The following PLAAT1 variants were observed in gnomAD, a reference collection of about 807,000 sequenced individuals.
PLAAT1 encodes phospholipase A and acyltransferase 1, also known as H-REV107 protein-related protein.
Under a neutral mutation model 16.4 loss-of-function variants are expected in PLAAT1, and 13 were observed. The observed-to-expected ratio is 0.79, with a 90% confidence interval of 0.52 to 1.26. The LOEUF (loss-of-function observed/expected upper bound fraction) is 1.26. PLAAT1 is among the 50% of genes most tolerant of loss of function. The probability of loss-of-function intolerance (pLI) is 0.00; values close to 1 mark genes in which losing one functional copy is unlikely to be tolerated. For missense variants in PLAAT1, 218 were observed against 207.8 expected (o/e 1.05, Z -0.30); for synonymous variants, 73 against 78.4 (o/e 0.93, Z 0.36).
intron 1 of PLAAT1, among the ~76,000 whole-genome samples, chr3:193,249,687 A>C (rs1255838792): frequency 1.3e-5 from 2 of 151,592 alleles, no homozygotes; most frequent in African/African-American, 4.9e-5. Context: ...ACTCTTTTTC[A>C]TTCTTTTTTC....
chr3:193,252,372 C>A (rs1469053376), intron 1 of PLAAT1, among the ~76,000 whole-genome samples: 4 of 152,232 alleles, frequency 2.6e-5, no homozygotes, highest in Non-Finnish European at 5.9e-5. Flanking sequence ...GATAAATATC[C>A]AAACCATATA....
At chr3:193,241,040 G>A (rs1182764623), upstream of PLAAT1, 4 of 432,854 alleles carry the variant, frequency 9.2e-6, no homozygotes, top group African/African-American at 8.5e-5. Flanking sequence ...GCGGCGCTTT[G>A]ACCGTAGGCG....
chr3:193,252,928 T>A (rs1432190602), intron 1 of PLAAT1, among the ~76,000 whole-genome samples: 2 of 134,256 alleles, frequency 1.5e-5, no homozygotes, highest in East Asian at 4.3e-4. Flanking sequence ...TCCTGGAAGT[T>A]CTGGGGTCCC....
chr3:193,269,629 G>T (rs532499110), intron 3 of PLAAT1, among the ~76,000 whole-genome samples: 1 of 152,322 alleles, frequency 6.6e-6, no homozygotes, highest in African/African-American at 2.4e-5. Context: ...TGGTTCCCCA[G>T]AGTCATTTGG....
At chr3:193,273,249 G>GA (rs1717047576), downstream of PLAAT1, among the ~76,000 whole-genome samples, 1 of 151,978 alleles carries the variant, frequency 6.6e-6, no homozygotes, top group African/African-American at 2.4e-5. Context: ...TTTTTAGTTT[G>GA]ATACATAGTT....
chr3:193,277,858 C>CT (rs1717294957), downstream of PLAAT1: 1 of 152,260 alleles, frequency 6.6e-6, no homozygotes, highest in Non-Finnish European at 1.5e-5. Context: ...GAGATGGAGT[C>CT]TCGCTCTCTC....
At chr3:193,276,420 A>G (rs1319703135) in intron 2 of PLAAT1, among the ~76,000 whole-genome samples, 1 of 152,224 alleles carries the variant, frequency 6.6e-6, no homozygotes, top group Non-Finnish European at 1.5e-5. Flanking sequence ...TTTGGGTTTT[A>G]GGGTTGGAAG....
At chr3:193,273,883 A>T (rs1347642065), downstream of PLAAT1, among the ~76,000 whole-genome samples, 1 of 152,192 alleles carries the variant, frequency 6.6e-6, no homozygotes, top group African/African-American at 2.4e-5. Flanking sequence ...CTGCAGTTAC[A>T]AATATAAGTC....
chr3:193,265,216 A>T (rs1023561338), intron 3 of PLAAT1, among the ~76,000 whole-genome samples: 5 of 152,236 alleles, frequency 3.3e-5, no homozygotes, highest in Admixed American at 1.3e-4. Context: ...TGTTTATAGC[A>T]GCATTGTAGA....
chr3:193,270,760 C>G lies in PLAAT1; in HGVS notation c.*55C>G. The G allele has an allele frequency of 1.3e-6, 2 of 1,586,938 alleles. No individual in the cohort carries two copies. Among genetic ancestry groups the G allele is most frequent in the South Asian group, 1.1e-5 (1 of 87,130 alleles). ...GGAATTTGGGAGGAGGAAAAGAAAC[C>G]TGGGGTGAATACTTATTTTCAGTGC... On this transcript the variant is annotated 3_prime_UTR_variant, in exon 4 of 4. Coordinates refer to ENST00000264735, the MANE Select transcript of PLAAT1 (RefSeq NM_020386.5).
At chr3:193,247,328 C>T (rs1043616199) in intron 1 of PLAAT1, among the ~76,000 whole-genome samples, 2 of 152,088 alleles carry the variant, frequency 1.3e-5, no homozygotes, top group Admixed American at 6.5e-5. Flanking sequence ...TAAACATGCC[C>T]ACAGCACACT....
At position 193,255,720 on chromosome 3, in the gene PLAAT1, T is replaced by G; in HGVS notation, c.70T>G (p.Phe24Val). Reference sequence around the variant, plus strand: ...CTGCCCAGGGGACTTGATCGAAGTGTTCCGTCCTGGCTATCAGCACTGGGC... The same window carrying G: ...CTGCCCAGGGGACTTGATCGAAGTGGTCCGTCCTGGCTATCAGCACTGGGC... ...NPCPGDLIEV[F>V]RPGYQHWALY... The change falls in exon 2 of 4, where the codon TTC becomes GTC. Residue 24 changes from phenylalanine (F) to valine (V), a missense_variant. Coordinates refer to ENST00000264735, the MANE Select transcript of PLAAT1 (RefSeq NM_020386.5). 1 of 1,613,446 alleles carries G rather than the reference T, an allele frequency of 6.2e-7. No individual in the cohort carries two copies. The highest frequency in any genetic ancestry group is 1.7e-5 in the Admixed American group (1 of 59,982).
chr3:193,250,840 C>A (rs916350536), intron 1 of PLAAT1, among the ~76,000 whole-genome samples: 7 of 152,076 alleles, frequency 4.6e-5, no homozygotes, highest in Non-Finnish European at 8.8e-5. Context: ...CCCTATCCCC[C>A]CCACCCCCGC....
intron 3 of PLAAT1, among the ~76,000 whole-genome samples, chr3:193,266,216 A>G (rs551339763): frequency 6.6e-6 from 1 of 152,242 alleles, no homozygotes; most frequent in East Asian, 1.9e-4. Flanking sequence ...GAGGTGATGG[A>G]TAAGTTTATG....
intron 3 of PLAAT1, among the ~76,000 whole-genome samples, chr3:193,268,662 A>G (rs371267336): frequency 1.8e-3 from 273 of 152,330 alleles, no homozygotes; most frequent in African/African-American, 6.4e-3. Flanking sequence ...GAGACTTGAA[A>G]TAAATGAACA....
intron 2 of PLAAT1, among the ~76,000 whole-genome samples, chr3:193,258,034 G>T (rs972633357): frequency 6.6e-6 from 1 of 152,146 alleles, no homozygotes; most frequent in African/African-American, 2.4e-5. Context: ...CTTCCTTGCT[G>T]CTCCACTTGC....
chr3:193,248,375 A>G (rs903914240), intron 1 of PLAAT1, among the ~76,000 whole-genome samples: 22 of 152,056 alleles, frequency 1.4e-4, no homozygotes, highest in African/African-American at 5.3e-4. Context: ...GAACCATTCA[A>G]TATGTTTTGA....
chr3:193,252,075 G>A (rs569168193), intron 1 of PLAAT1, among the ~76,000 whole-genome samples: 15 of 152,282 alleles, frequency 9.9e-5, no homozygotes, highest in Middle Eastern at 3.4e-3. Context: ...CAGCTCCATA[G>A]GGCGTACAGG....
downstream of PLAAT1, among the ~76,000 whole-genome samples, chr3:193,278,945 T>G (rs1371074912): frequency 1.3e-5 from 2 of 152,216 alleles, no homozygotes; most frequent in Non-Finnish European, 2.9e-5. Context: ...GATATAAAAC[T>G]TCATGTAGTC....
Sources: gnomAD v4.1 joint callset for allele counts (sites outside exome capture counted in the v4.1 genomes callset) on GRCh38, gnomAD v4.1.1 for gene constraint, MANE v1.5 for transcripts, NCBI Gene and HGNC (gene_info 2026-07-23, HGNC 2026-07-21) for gene names.